KCNH1: variants seen among roughly 807,000 people sequenced by gnomAD.
The protein encoded by KCNH1 is potassium voltage-gated channel subfamily H member 1.
In KCNH1, 27 loss-of-function variants were observed where a neutral mutation model predicts 69.2. That is an observed-to-expected ratio of 0.39 (90% CI 0.29 to 0.54). KCNH1 has a LOEUF of 0.54. Among genes scored for constraint, KCNH1 ranks in the 20% least tolerant of loss-of-function variants. The pLI is 0.68. For synonymous variants in KCNH1, 456 were observed against 487.7 expected, an observed-to-expected ratio of 0.93 and a Z score of 0.86; for missense variants, 798 against 1,261.6, an observed-to-expected ratio of 0.63 and a Z score of 5.57.
intron 10 of KCNH1, among the ~76,000 whole-genome samples, chr1:210,735,303 C>T (rs574474396): frequency 6.6e-6 from 1 of 152,276 alleles, no homozygotes; most frequent in South Asian, 2.1e-4. Context: ...TATTTGTTGT[C>T]TGCCTGAGTC....
intron 3 of KCNH1, among the ~76,000 whole-genome samples, chr1:211,100,764 G>A (rs1691243177): frequency 1.3e-5 from 2 of 152,208 alleles, no homozygotes; most frequent in African/African-American, 2.4e-5. Flanking sequence ...CACCCTGTTG[G>A]CACGGAAGTC....
intron 10 of KCNH1, among the ~76,000 whole-genome samples, chr1:210,744,817 A>G (rs1194085227): frequency 1.3e-5 from 2 of 152,204 alleles, no homozygotes; most frequent in Non-Finnish European, 1.5e-5. Flanking sequence ...GACCCACCCT[A>G]CAAGACCCAA....
At chr1:210,833,344 C>G (rs2102442385) in intron 7 of KCNH1, among the ~76,000 whole-genome samples, 1 of 152,162 alleles carries the variant, frequency 6.6e-6, no homozygotes. Flanking sequence ...AGATATGGAT[C>G]AATGGAACAG....
In KCNH1 at chr1:211,018,675, A is replaced by G; in HGVS notation, c.1032+108T>C. ...ATCAAGCATGCTCCCTCTGTTCTGG[A>G]CATCAGTCATGCTATTTCCCACCCA... On this transcript the variant is annotated intron_variant, in intron 6 of 10. Transcript: ENST00000271751. 4 of 889,062 alleles carry G rather than the reference A, an allele frequency of 4.5e-6. No homozygotes were observed. In the South Asian group the frequency reaches 6.7e-5, roughly 15 times the overall value. The allele number at this position is 889,062 out of a possible 1,614,324, so 55.1% of individuals were successfully genotyped here.
chr1:210,696,193 G>C (rs1008481912), intron 10 of KCNH1, among the ~76,000 whole-genome samples: 1 of 152,176 alleles, frequency 6.6e-6, no homozygotes, highest in Non-Finnish European at 1.5e-5. Flanking sequence ...CTTCCTCAGA[G>C]GTCCTGGCAC....
intron 10 of KCNH1, among the ~76,000 whole-genome samples, chr1:210,693,548 A>G (rs1049005760): frequency 6.6e-6 from 1 of 152,218 alleles, no homozygotes; most frequent in Non-Finnish European, 1.5e-5. Context: ...GTGGACAGAT[A>G]AAACACAACA....
intron 9 of KCNH1, among the ~76,000 whole-genome samples, chr1:210,796,154 C>CAA (rs34606473): frequency 0.066 from 8,879 of 134,076 alleles, 908 homozygotes; most frequent in African/African-American, 0.22. Context: ...GATTCCGTCT[C>CAA]AAAAAAAAAA....
At chr1:210,917,275 G>GAAAGAAAGAAAGAAAAGA (rs1553359771) in intron 7 of KCNH1, among the ~76,000 whole-genome samples, 10 of 142,888 alleles carry the variant, frequency 7.0e-5, no homozygotes, top group African/African-American at 1.9e-4. Context: ...AAGAAAGAAA[G>GAAAGAAAGAAAGAAAAGA]AAAGAAAAGA....
intron 10 of KCNH1, among the ~76,000 whole-genome samples, chr1:210,697,857 C>A (rs993146658): frequency 6.6e-6 from 1 of 152,232 alleles, no homozygotes; most frequent in Non-Finnish European, 1.5e-5. Context: ...GTATGGTAAT[C>A]CACATCAATG....
Position 211,104,462 on chromosome 1 carries a change from C to T in KCNH1, c.204-860G>A, listed in dbSNP as rs374987097. Among the ~76,000 whole-genome samples the T allele has an allele frequency of 3.5e-3, 531 of 152,228 alleles. 7 individuals are homozygous for T. Among genetic ancestry groups the T allele is most frequent in the African/African-American group, 0.012 (508 of 41,534 alleles). ...ATACTAGAAGGTCTACCTGCTAACA[C>T]TAGTTCTCACCAGAAGCAAGAAAAA... is the stretch of plus-strand genomic sequence containing the variant. On this transcript the variant is annotated intron_variant, in intron 2 of 10. Coordinates refer to ENST00000271751, the MANE Select transcript of KCNH1 (RefSeq NM_172362.3).
intron 7 of KCNH1, among the ~76,000 whole-genome samples, chr1:210,826,208 T>C (rs965318275): frequency 5.9e-5 from 9 of 152,214 alleles, no homozygotes; most frequent in Admixed American, 6.5e-5. Flanking sequence ...ACTAGAGGAC[T>C]AAGAAAAGGC....
chr1:211,091,249 T>G (rs966826176), intron 3 of KCNH1, among the ~76,000 whole-genome samples: 5 of 152,188 alleles, frequency 3.3e-5, no homozygotes, highest in African/African-American at 9.7e-5. Flanking sequence ...TGGTGCAATC[T>G]TGGCTCACTG....
At chr1:211,129,013 G>A (rs1013983488) in intron 1 of KCNH1, among the ~76,000 whole-genome samples, 2 of 152,192 alleles carry the variant, frequency 1.3e-5, no homozygotes, top group African/African-American at 4.8e-5. Flanking sequence ...TCAAACACAG[G>A]CTGGAGAACC....
intron 10 of KCNH1, among the ~76,000 whole-genome samples, chr1:210,755,576 C>T (rs1683381453): frequency 6.6e-6 from 1 of 152,212 alleles, no homozygotes; most frequent in African/African-American, 2.4e-5. Context: ...TTCTTCTAGC[C>T]CAGCTCACAG....
chr1:210,872,515 G>T (rs966030604), intron 7 of KCNH1, among the ~76,000 whole-genome samples: 2 of 152,116 alleles, frequency 1.3e-5, no homozygotes, highest in African/African-American at 4.8e-5. Flanking sequence ...AAGAAAAGAG[G>T]TTTAATTGTC....
At chr1:210,947,574 C>CA (rs200240311) in intron 6 of KCNH1, among the ~76,000 whole-genome samples, 1,442 of 113,486 alleles carry the variant, frequency 0.013, 18 homozygotes, top group African/African-American at 0.034. Context: ...GACTCTGTCT[C>CA]AAAAAAAAAA....
chr1:210,939,843 A>T, intron 6 of KCNH1, among the ~76,000 whole-genome samples: 1 of 152,218 alleles, frequency 6.6e-6, no homozygotes, highest in East Asian at 1.9e-4. Context: ...TTAAATTCTC[A>T]TCTTCAGAAT....
intron 6 of KCNH1, among the ~76,000 whole-genome samples, chr1:210,964,119 G>C (rs1688349848): frequency 6.6e-6 from 1 of 152,200 alleles, no homozygotes; most frequent in Admixed American, 6.5e-5. Context: ...CAAGCCAGAA[G>C]TGGGGACCAA....
chr1:211,132,559 T>G (rs1280946668), intron 1 of KCNH1: 1 of 152,234 alleles, frequency 6.6e-6, no homozygotes, highest in Non-Finnish European at 1.5e-5. Flanking sequence ...AGTTGATGTG[T>G]TTCATTATAA....
Sources: gnomAD v4.1 joint callset for allele counts (sites outside exome capture counted in the v4.1 genomes callset) on GRCh38, gnomAD v4.1.1 for gene constraint, MANE v1.5 for transcripts, NCBI Gene and HGNC (gene_info 2026-07-23, HGNC 2026-07-21) for gene names.